TKTL1: variants seen among roughly 807,000 people sequenced by gnomAD.
The protein encoded by TKTL1 is transketolase-like protein 1.
TKTL1 carries 1 observed loss-of-function variant against 39.3 expected under a neutral mutation model. The observed-to-expected ratio is 0.03, with a 90% confidence interval of 0.01 to 0.12. The LOEUF is 0.12. TKTL1 is among the 10% of genes least tolerant of loss of function. The pLI, the probability that TKTL1 is intolerant of heterozygous loss-of-function variation, is 1.00. For missense variants in TKTL1, 575 were observed against 509.6 expected, an observed-to-expected ratio of 1.13 and a Z score of -1.24; for synonymous variants, 262 against 193.8, an observed-to-expected ratio of 1.35 and a Z score of -2.92.
chrX:154,322,565 C>T (rs1388268217), intron 8 of TKTL1, among the ~76,000 whole-genome samples: 2 of 111,308 alleles, frequency 1.8e-5, no homozygotes, highest in East Asian at 5.6e-4. Context: ...AAAAAAAGAG[C>T]TGGGCTGTTG....
chrX:154,328,769 G>A (rs1167235773), intron 12 of TKTL1, among the ~76,000 whole-genome samples: 2 of 109,908 alleles, frequency 1.8e-5, no homozygotes, highest in East Asian at 2.8e-4. Context: ...CACAAGCGGT[G>A]CCTGATCTCT....
chrX:154,309,998 G>T (rs1233333596), intron 3 of TKTL1, among the ~76,000 whole-genome samples: 2 of 109,946 alleles, frequency 1.8e-5, no homozygotes, highest in African/African-American at 3.3e-5. Flanking sequence ...GCCTCCCAAA[G>T]TGCTGGGATT....
At position 154,312,626 on chromosome X, in the gene TKTL1, A is replaced by G. The variant is rs17174296; in HGVS notation, c.717A>G (p.Glu239=). The G allele has an allele frequency of 5.8e-3, 7,052 of 1,209,223 alleles. 265 individuals carry two copies. The African/African-American group carries it at 0.11, about 19-fold the overall frequency. Reference sequence around the variant, plus strand: ...GGCATGCAAAGCCAATGCCGAGAGAAAGAGCAGATGCCATTATCAAATTAA... The same window carrying G: ...GGCATGCAAAGCCAATGCCGAGAGAGAGAGCAGATGCCATTATCAAATTAA... ...ESWHAKPMPR[E]RADAIIKLIE... is the part of the protein sequence containing the mutation. The change falls in exon 6 of 13, where the codon GAA becomes GAG. Residue 239 remains glutamate (E), a synonymous_variant. Transcript: ENST00000369915.
chrX:154,308,918 T>C (rs2067334783), intron 2 of TKTL1, among the ~76,000 whole-genome samples: 1 of 111,067 alleles, frequency 9.0e-6, no homozygotes, highest in African/African-American at 3.3e-5. Flanking sequence ...TCCATAGGAT[T>C]GAACATGTGA....
chrX:154,301,268 C>A, intron 1 of TKTL1, among the ~76,000 whole-genome samples: 1 of 110,018 alleles, frequency 9.1e-6, no homozygotes, highest in East Asian at 2.9e-4. Flanking sequence ...GTAATCCCAG[C>A]ACTTTGGGAG....
At chrX:154,313,765 C>G (rs1392875501) in intron 6 of TKTL1, among the ~76,000 whole-genome samples, 1 of 109,420 alleles carries the variant, frequency 9.1e-6, no homozygotes, top group Non-Finnish European at 1.9e-5. Context: ...AGTGAGACCC[C>G]ATCTCTACAT....
chrX:154,320,143 A>G (rs1439633849), intron 7 of TKTL1, among the ~76,000 whole-genome samples: 1 of 112,377 alleles, frequency 8.9e-6, no homozygotes, highest in Admixed American at 9.4e-5. Context: ...AAGTCAAGTC[A>G]CAGGCCACCC....
chrX:154,319,707 C>T (rs2067433378), intron 7 of TKTL1, among the ~76,000 whole-genome samples: 1 of 106,669 alleles, frequency 9.4e-6, no homozygotes, highest in Non-Finnish European at 1.9e-5. Context: ...CCAGTGCACC[C>T]CAGCCTGGGC....
intron 2 of TKTL1, among the ~76,000 whole-genome samples, chrX:154,306,628 T>A (rs1349236800): frequency 9.0e-6 from 1 of 111,305 alleles, no homozygotes; most frequent in Non-Finnish European, 1.9e-5. Flanking sequence ...TTGAACTTTT[T>A]TTACATCTTT....
intron 3 of TKTL1, among the ~76,000 whole-genome samples, chrX:154,310,440 A>AAC (rs1391939224): frequency 2.1e-4 from 24 of 112,524 alleles, no homozygotes; most frequent in Non-Finnish European, 4.3e-4. Context: ...CAAACAAACA[A>AAC]ACAAAAAAAT....
At position 154,329,523 on chromosome X, in the gene TKTL1, C is replaced by T. The variant is rs782007724; in HGVS notation, c.1626C>T (p.Ile542=). The change falls in exon 13 of 13, where the codon ATC becomes ATT. Residue 542 remains isoleucine, a synonymous_variant. Transcript: ENST00000369915. The part of the protein sequence containing the change: ...TVEDHYPQGG[I]GEAVCAAVSM... ...ACATCCTTGTTTCCCCAGGTGGCAT[C>T]GGGGAAGCTGTCTGCGCAGCCGTCT... The T allele has an allele frequency of 1.5e-5, 18 of 1,209,193 alleles. No individual in the cohort carries two copies. The highest frequency in any genetic ancestry group is 5.3e-5 in the South Asian group (3 of 56,771).
chrX:154,325,719 A>C (rs1452364735), intron 10 of TKTL1, among the ~76,000 whole-genome samples: 2 of 112,544 alleles, frequency 1.8e-5, no homozygotes, highest in African/African-American at 6.5e-5. Context: ...CCGCAAGCTA[A>C]ACAAAACAGA....
At chrX:154,301,512 G>C (rs2067273087) in intron 1 of TKTL1, among the ~76,000 whole-genome samples, 1 of 112,062 alleles carries the variant, frequency 8.9e-6, no homozygotes, top group South Asian at 3.7e-4. Context: ...GTGAGACTGT[G>C]TCTCAAAAAA....
chrX:154,329,868 A>G lies in TKTL1; in HGVS notation c.*180A>G, dbSNP rs2067524210. On this transcript the variant is annotated 3_prime_UTR_variant, in exon 13 of 13. Transcript: ENST00000369915. ...CTTACCCTTTAAACTGTCACTGCAT[A>G]TGCAAGTACCGCTCTAATTTTTGGA... The G allele has an allele frequency of 2.3e-6, 1 of 441,621 alleles. No homozygotes were observed. The highest frequency in any genetic ancestry group is 3.7e-6 in the Non-Finnish European group (1 of 272,953). 36.4% of individuals were successfully genotyped at this position (441,621 alleles called of 1,213,427 possible).
chrX:154,302,081 A>G (rs1426781776), intron 1 of TKTL1, among the ~76,000 whole-genome samples: 1 of 110,845 alleles, frequency 9.0e-6, no homozygotes, highest in Non-Finnish European at 1.9e-5. Context: ...TGACAACAGA[A>G]AAGCATATCT....
chrX:154,327,773 A>G, intron 11 of TKTL1, 66 bp from the exon 12 acceptor site: 1 of 1,205,223 alleles, frequency 8.3e-7, no homozygotes, highest in African/African-American at 1.7e-5. Context: ...TGCTCTTTTT[A>G]TTTTTATCCC....
chrX:154,323,664 A>T (rs1557171366), intron 9 of TKTL1, among the ~76,000 whole-genome samples: 1 of 112,187 alleles, frequency 8.9e-6, no homozygotes. Flanking sequence ...AGCAAGCTTC[A>T]GGCAGAGTCC....
chrX:154,305,424 A>G lies in TKTL1; in HGVS notation c.252+3A>G. 8.3e-7 allele frequency: 1 copy of G among 1,206,940 alleles called. No individual in the cohort carries two copies. The highest frequency in any genetic ancestry group is 1.8e-5 in the South Asian group (1 of 56,778). On this transcript the variant is annotated splice_donor_region_variant and intron_variant, in intron 2 of 12. Coordinates refer to ENST00000369915, the MANE Select transcript of TKTL1 (RefSeq NM_012253.4). ...ACGACCGATTTGTCCTCGCAAAGGT[A>G]TGCCGGTGGGGAGCCCAGGGCTGCT...
chrX:154,314,557 G>A (rs1462881511), intron 6 of TKTL1, among the ~76,000 whole-genome samples: 1 of 110,404 alleles, frequency 9.1e-6, no homozygotes, highest in Admixed American at 9.7e-5. Context: ...ATGGAGTCTC[G>A]CTCAGTCACC....
Sources: allele counts gnomAD v4.1 joint callset (sites outside exome capture counted in the v4.1 genomes callset), GRCh38; gene constraint gnomAD v4.1.1; transcripts MANE v1.5; gene names NCBI Gene and HGNC (gene_info 2026-07-23, HGNC 2026-07-21).